The following TENM3 variants were observed in gnomAD, a reference collection of about 807,000 sequenced individuals.
The protein encoded by TENM3 is teneurin transmembrane protein 3, also known as teneurin-3.
In TENM3, 63 loss-of-function variants were observed where a neutral mutation model predicts 255.1. That is an observed-to-expected ratio of 0.25 (90% CI 0.20 to 0.30). TENM3 has a LOEUF of 0.30. Among genes scored for constraint, TENM3 ranks in the 10% least tolerant of loss-of-function variants. TENM3 has a pLI of 1.00. For missense variants in TENM3, 2,929 were observed against 3,461.1 expected (o/e 0.85, Z 3.86); for synonymous variants, 1,306 against 1,322.3 (o/e 0.99, Z 0.27).
the TENM3 span, among the ~76,000 whole-genome samples, chr4:181,534,811 T>C: frequency 7.9e-5 from 12 of 152,278 alleles, no homozygotes; most frequent in South Asian, 4.1e-4. Flanking sequence ...GTGAATGATA[T>C]CTTAGGCAGG....
the TENM3 span, among the ~76,000 whole-genome samples, chr4:181,655,987 G>A: frequency 6.6e-6 from 1 of 152,164 alleles, no homozygotes; most frequent in Admixed American, 6.5e-5. Context: ...GGATGATGGT[G>A]CATTTGAGGA....
chr4:181,712,921 G>A, the TENM3 span, among the ~76,000 whole-genome samples: 5 of 152,140 alleles, frequency 3.3e-5, no homozygotes, highest in Non-Finnish European at 5.9e-5. Context: ...TATAGAGGGG[G>A]GCTTCAGGGT....
rs796994139 is a variant in TENM3, at chr4:182,645,707, G to T, written c.989-8064G>T. ...CAGACTTCAGTCTCTTACCACATGG[G>T]CCTCTTTATGAGGCTGCCTCATAAT... On this transcript the variant is annotated intron_variant, in intron 5 of 27. Coordinates refer to ENST00000511685, the MANE Select transcript of TENM3 (RefSeq NM_001080477.4). 4.6e-5 allele frequency among the ~76,000 whole-genome samples: 7 copies of T among 152,280 alleles called. 1 individual carries two copies. The highest frequency in any genetic ancestry group is 1.7e-4 in the African/African-American group (7 of 41,546).
the TENM3 span, among the ~76,000 whole-genome samples, chr4:181,832,736 G>A: frequency 6.6e-6 from 1 of 152,204 alleles, no homozygotes; most frequent in Non-Finnish European, 1.5e-5. Flanking sequence ...TATTGGGATG[G>A]AATTACTTTT....
At chr4:182,626,179 A>G (rs909230049) in intron 4 of TENM3, among the ~76,000 whole-genome samples, 35 of 152,218 alleles carry the variant, frequency 2.3e-4, no homozygotes, top group African/African-American at 8.0e-4. Flanking sequence ...GGTCCCTTAC[A>G]GCAAAAGTTT....
In TENM3 at chr4:182,212,214, T is replaced by C. The variant is rs528378525; in HGVS notation, c.-76+67460T>C. On this transcript the variant is annotated intron_variant, in intron 1 of 2. Transcript: ENST00000512480. ...AGTGAAACCAAGACTGATACTGAGC[T>C]GTGCCCGGCTCCCTGGGAGCTTGCT... Among the ~76,000 whole-genome samples the C allele has an allele frequency of 1.5e-4, 23 of 152,358 alleles. No individual in the cohort carries two copies. The South Asian group carries it at 3.9e-3, about 26-fold the overall frequency.
At chr4:181,770,256 CTA>C in the TENM3 span, among the ~76,000 whole-genome samples, 1 of 152,132 alleles carries the variant, frequency 6.6e-6, no homozygotes, top group South Asian at 2.1e-4. Context: ...GAGAATGTGA[CTA>C]TTCATAATAT....
In TENM3 at chr4:182,293,669, G is replaced by A. The variant is rs544348033; in HGVS notation, c.-75-30277G>A. Among the ~76,000 whole-genome samples, 26 of 152,198 alleles carry A rather than the reference G, an allele frequency of 1.7e-4. No homozygotes were observed. In the South Asian group the frequency reaches 4.8e-3, roughly 28 times the overall value. On this transcript the variant is annotated intron_variant, in intron 1 of 27. Transcript: ENST00000511685. Reference sequence around the variant, plus strand: ...TGGACAAAACAAAAGCATAGACAACGTTTGCCTTTGACTTTCGCCGTATCC... The same window carrying A: ...TGGACAAAACAAAAGCATAGACAACATTTGCCTTTGACTTTCGCCGTATCC...
chr4:181,534,506 C>T, the TENM3 span, among the ~76,000 whole-genome samples: 8 of 151,766 alleles, frequency 5.3e-5, no homozygotes, highest in African/African-American at 1.2e-4. Flanking sequence ...TCCCTGCCTT[C>T]GTACCTTTAG....
intron 6 of TENM3, among the ~76,000 whole-genome samples, chr4:182,656,123 T>C (rs147935695): frequency 6.6e-6 from 1 of 152,312 alleles, no homozygotes; most frequent in East Asian, 1.9e-4. Flanking sequence ...TATATACATA[T>C]AAGCGAAGTA....
chr4:182,161,682 T>C (rs1446402615), intron 1 of TENM3, among the ~76,000 whole-genome samples: 2 of 125,556 alleles, frequency 1.6e-5, no homozygotes, highest in East Asian at 4.5e-4. Context: ...TATGTATATA[T>C]ATACACAAAT....
chr4:181,616,432 A>G, the TENM3 span, among the ~76,000 whole-genome samples: 1 of 148,492 alleles, frequency 6.7e-6, no homozygotes, highest in Non-Finnish European at 1.5e-5. Flanking sequence ...GTATACTCAT[A>G]TATATATCCT....
chr4:182,607,371 C>T (rs927367062), intron 4 of TENM3, among the ~76,000 whole-genome samples: 13 of 152,000 alleles, frequency 8.6e-5, no homozygotes, highest in Admixed American at 3.3e-4. Context: ...TCACTCTTCC[C>T]GTCGCTTAAC....
At chr4:182,745,902 A>G (rs1761980419) in intron 19 of TENM3, among the ~76,000 whole-genome samples, 1 of 151,802 alleles carries the variant, frequency 6.6e-6, no homozygotes, top group South Asian at 2.1e-4. Context: ...TTTGGCAGTG[A>G]TACTATTGTA....
At chr4:181,483,440 G>A in the TENM3 span, among the ~76,000 whole-genome samples, 2 of 152,066 alleles carry the variant, frequency 1.3e-5, no homozygotes, top group South Asian at 4.1e-4. Flanking sequence ...TTAATAAAGT[G>A]GAACTCTTTC....
the TENM3 span, among the ~76,000 whole-genome samples, chr4:181,780,588 C>A: frequency 6.6e-6 from 1 of 152,060 alleles, no homozygotes; most frequent in Non-Finnish European, 1.5e-5. Flanking sequence ...CTGTAGGTTG[C>A]CTGTTCGCTC....
intron 1 of TENM3, among the ~76,000 whole-genome samples, chr4:182,201,625 C>T (rs1754191913): frequency 6.6e-6 from 1 of 150,802 alleles, no homozygotes; most frequent in African/African-American, 2.5e-5. Flanking sequence ...AGCGGCTGGC[C>T]AGCAGGAGCA....
the TENM3 span, among the ~76,000 whole-genome samples, chr4:181,625,484 C>CA: frequency 2.8e-4 from 43 of 152,306 alleles, no homozygotes; most frequent in African/African-American, 1.0e-3. Flanking sequence ...GAGCCACCTG[C>CA]ACTTCGCAGT....
intron 2 of TENM3, among the ~76,000 whole-genome samples, chr4:182,332,182 A>G (rs866874699): frequency 3.3e-5 from 5 of 152,112 alleles, no homozygotes; most frequent in African/African-American, 1.2e-4. Context: ...AAATAACAAA[A>G]AGATAATTAG....
Sources: gnomAD v4.1 joint callset for allele counts (sites outside exome capture counted in the v4.1 genomes callset) on GRCh38, gnomAD v4.1.1 for gene constraint, MANE v1.5 for transcripts, NCBI Gene and HGNC (gene_info 2026-07-23, HGNC 2026-07-21) for gene names.